Variants in LDB2 observed in about 807,000 individuals in gnomAD.
LDB2 encodes LIM domain-binding protein 2.
Under a neutral mutation model 44.3 loss-of-function variants are expected in LDB2, and 12 were observed. The observed-to-expected ratio is 0.27, with a 90% CI of 0.17 to 0.44. LDB2 has a LOEUF of 0.44. Ranked by LOEUF, LDB2 falls within the 20% of genes least tolerant of loss-of-function variation. The probability of loss-of-function intolerance (pLI) is 1.00; values close to 1 mark genes in which losing one functional copy is unlikely to be tolerated. For missense variants in LDB2, 344 were observed against 473.5 expected (o/e 0.73, Z 2.54); for synonymous variants, 164 against 174.8 (o/e 0.94, Z 0.49).
At chr4:16,764,591 G>A (rs1179095950) in intron 1 of LDB2, among the ~76,000 whole-genome samples, 1 of 151,992 alleles carries the variant, frequency 6.6e-6, no homozygotes, top group African/African-American at 2.4e-5. Context: ...AGAATGGTAT[G>A]GACCCTGCAA....
chr4:16,513,633 C>G (rs1722609674), intron 5 of LDB2, among the ~76,000 whole-genome samples: 1 of 152,190 alleles, frequency 6.6e-6, no homozygotes, highest in South Asian at 2.1e-4. Context: ...GTTAAAAATT[C>G]AGATTTCAGG....
chr4:16,766,629 G>A (rs1315746671), intron 1 of LDB2, among the ~76,000 whole-genome samples: 3 of 151,026 alleles, frequency 2.0e-5, no homozygotes, highest in African/African-American at 7.3e-5. Flanking sequence ...CCTCAGCCAC[G>A]CGAGTAGCTG....
At chr4:16,703,590 T>C (rs1208171824) in intron 2 of LDB2, among the ~76,000 whole-genome samples, 1 of 152,218 alleles carries the variant, frequency 6.6e-6, no homozygotes, top group Admixed American at 6.5e-5. Flanking sequence ...CTCTGATCAT[T>C]ATCTTTTTCA....
At position 16,583,507 on chromosome 4, in the gene LDB2, C is replaced by T. The variant is rs1577975057; in HGVS notation, c.615+2415G>A. On this transcript the variant is annotated intron_variant, in intron 5 of 7. Transcript: ENST00000304523. Reference sequence around the variant, plus strand: ...GCTCCTCAGATGGACGTGGAGGCTTCAGATCTTAAGGCAACTTTATACATG... The same window carrying T: ...GCTCCTCAGATGGACGTGGAGGCTTTAGATCTTAAGGCAACTTTATACATG... Among the ~76,000 whole-genome samples the T allele has an allele frequency of 2.0e-5, 3 of 152,152 alleles. No homozygotes were observed. The South Asian group carries it at 6.2e-4, about 32-fold the overall frequency.
chr4:16,562,206 A>G (rs1742621510), intron 5 of LDB2, among the ~76,000 whole-genome samples: 1 of 152,224 alleles, frequency 6.6e-6, no homozygotes, highest in Non-Finnish European at 1.5e-5. Flanking sequence ...AACAAAAGAC[A>G]AAATTGACAA....
chr4:16,560,747 C>A (rs979104135), intron 5 of LDB2, among the ~76,000 whole-genome samples: 3 of 152,072 alleles, frequency 2.0e-5, no homozygotes, highest in Non-Finnish European at 4.4e-5. Flanking sequence ...TACCAAAGCC[C>A]GGCAGAGACA....
At chr4:16,844,665 A>T (rs1046880846) in intron 1 of LDB2, among the ~76,000 whole-genome samples, 7 of 152,082 alleles carry the variant, frequency 4.6e-5, no homozygotes, top group Non-Finnish European at 8.8e-5. Context: ...GTCTTCTCTC[A>T]TCTTGTTTCG....
At chr4:16,888,731 A>G (rs574464529) in intron 1 of LDB2, 4 of 984,352 alleles carry the variant, frequency 4.1e-6, no homozygotes, top group South Asian at 9.4e-5. Flanking sequence ...CGTCGTCATC[A>G]TCATCATAGT....
intron 1 of LDB2, among the ~76,000 whole-genome samples, chr4:16,881,944 T>C (rs1720255188): frequency 6.6e-6 from 1 of 152,218 alleles, no homozygotes; most frequent in African/African-American, 2.4e-5. Flanking sequence ...TGTAGCATTG[T>C]TAAGAAGTTA....
intron 1 of LDB2, among the ~76,000 whole-genome samples, chr4:16,897,956 A>G (rs1445141840): frequency 2.2e-4 from 19 of 86,598 alleles, no homozygotes; most frequent in South Asian, 2.1e-3. Context: ...GTATATATAT[A>G]TATATATATA....
At chr4:16,830,049 G>A (rs1282978834) in intron 1 of LDB2, among the ~76,000 whole-genome samples, 2 of 152,018 alleles carry the variant, frequency 1.3e-5, no homozygotes, top group Non-Finnish European at 2.9e-5. Context: ...AGGTTGCAAT[G>A]GGCTGAGATC....
intron 5 of LDB2, among the ~76,000 whole-genome samples, chr4:16,584,066 C>T (rs1715812670): frequency 6.6e-6 from 1 of 152,162 alleles, no homozygotes; most frequent in South Asian, 2.1e-4. Flanking sequence ...ATTAGACACC[C>T]CCAGAGTGAG....
chr4:16,652,303 A>T (rs1462553613), intron 2 of LDB2, among the ~76,000 whole-genome samples: 1 of 152,218 alleles, frequency 6.6e-6, no homozygotes, highest in Admixed American at 6.5e-5. Flanking sequence ...AAGGATACAT[A>T]CGCAAAGCAC....
At chr4:16,898,241 G>A (rs954427058) in intron 1 of LDB2, 113 bp downstream of exon 1, 1 of 1,012,308 alleles carries the variant, frequency 9.9e-7, no homozygotes, top group Non-Finnish European at 1.5e-6. Context: ...TTCCACGTAC[G>A]TGGTAGTATC....
intron 1 of LDB2, among the ~76,000 whole-genome samples, chr4:16,847,981 A>C (rs2110160238): frequency 6.6e-6 from 1 of 152,366 alleles, no homozygotes; most frequent in East Asian, 1.9e-4. Context: ...GCCAAATATA[A>C]ATGTAAAATA....
chr4:16,679,150 C>T (rs911269418), intron 2 of LDB2, among the ~76,000 whole-genome samples: 9 of 152,118 alleles, frequency 5.9e-5, no homozygotes, highest in Admixed American at 2.0e-4. Flanking sequence ...CAGTTTTCAT[C>T]CTTTTTATTC....
At chr4:16,861,101 T>C (rs1712397094) in intron 1 of LDB2, among the ~76,000 whole-genome samples, 1 of 152,198 alleles carries the variant, frequency 6.6e-6, no homozygotes. Context: ...ATATCAAATA[T>C]GATCATTGGA....
At chr4:16,797,629 G>C (rs533484673) in intron 1 of LDB2, among the ~76,000 whole-genome samples, 3 of 152,080 alleles carry the variant, frequency 2.0e-5, no homozygotes, top group East Asian at 3.9e-4. Context: ...AGAATAGTTA[G>C]GAATGATAAT....
At chr4:16,896,219 T>C (rs1478692603) in intron 1 of LDB2, among the ~76,000 whole-genome samples, 1 of 152,200 alleles carries the variant, frequency 6.6e-6, no homozygotes, top group Non-Finnish European at 1.5e-5. Context: ...TCTTGAGCTA[T>C]GAAGTAGTCT....
Sources: gnomAD v4.1 joint callset for allele counts (sites outside exome capture counted in the v4.1 genomes callset) on GRCh38, gnomAD v4.1.1 for gene constraint, MANE v1.5 for transcripts, NCBI Gene and HGNC (gene_info 2026-07-23, HGNC 2026-07-21) for gene names.